Variants in MYOT observed in about 807,000 individuals in gnomAD.
MYOT encodes myotilin.
Under a neutral mutation model 58.0 loss-of-function variants are expected in MYOT, and 36 were observed. The ratio of observed to expected loss-of-function variants is 0.62; its 90% CI spans 0.48 to 0.82. The LOEUF (loss-of-function observed/expected upper bound fraction) is 0.82, where lower values mean the gene tolerates loss of function less well. Ranked by LOEUF, MYOT falls within the 40% of genes least tolerant of loss-of-function variation. The pLI, the probability that MYOT is intolerant of heterozygous loss-of-function variation, is 0.00. For synonymous variants in MYOT, 218 were observed against 204.6 expected, an observed-to-expected ratio of 1.07 and a Z score of -0.56; for missense variants, 505 against 592.1, an observed-to-expected ratio of 0.85 and a Z score of 1.53.
rs781052225 is a variant in MYOT, at chr5:137,887,369, A to C, written c.1481A>C (p.Glu494Ala). 6 of 1,614,002 alleles carry C rather than the reference A, an allele frequency of 3.7e-6. No individual in the cohort carries two copies. The East Asian group carries it at 1.3e-4, about 36-fold the overall frequency. ...TTGGCAGCTCAATCTGGACTCTATGAAAGTGAAGAACTTTAATAACTTTAC... is the reference window on the plus strand; with the variant it reads ...TTGGCAGCTCAATCTGGACTCTATGCAAGTGAAGAACTTTAATAACTTTAC... ...QRLAAQSGLY[E>A]SEEL Residue 494 changes from glutamate to alanine, a missense_variant, in exon 10 of 10, where the codon GAA becomes GCA. Coordinates refer to ENST00000239926, the MANE Select transcript of MYOT (RefSeq NM_006790.3).
chr5:137,880,350 G>A (rs1374332056), intron 4 of MYOT, among the ~76,000 whole-genome samples: 2 of 152,318 alleles, frequency 1.3e-5, no homozygotes, highest in East Asian at 3.9e-4. Context: ...GAGCTAAAAA[G>A]AGAAGAATTT....
At chr5:137,884,426 T>G (rs1184354516) in intron 7 of MYOT, among the ~76,000 whole-genome samples, 1 of 152,216 alleles carries the variant, frequency 6.6e-6, no homozygotes, top group East Asian at 1.9e-4. Flanking sequence ...ACTAGGAAAC[T>G]AATGTCTAAT....
intron 4 of MYOT, 122 bp from the exon 5 acceptor site, chr5:137,880,694 C>T (rs563006816): frequency 6.3e-6 from 5 of 790,380 alleles, no homozygotes; most frequent in South Asian, 1.5e-5. Flanking sequence ...ATATATAGAA[C>T]TTACCAGGGC....
chr5:137,875,198 C>T (rs565762654), intron 2 of MYOT, among the ~76,000 whole-genome samples: 1 of 152,244 alleles, frequency 6.6e-6, no homozygotes, highest in African/African-American at 2.4e-5. Context: ...TGCAGCAACA[C>T]GGATGCAGCT....
intron 2 of MYOT, among the ~76,000 whole-genome samples, chr5:137,875,496 A>AT (rs1365317636): frequency 6.6e-6 from 1 of 152,140 alleles, no homozygotes. Context: ...CTAAAAAAAA[A>AT]TTTTATTAAA....
chr5:137,887,191 A>T (rs758457651), intron 9 of MYOT, 22 bp from the exon 10 acceptor site: 21 of 1,613,930 alleles, frequency 1.3e-5, no homozygotes, highest in Non-Finnish European at 1.8e-5. Flanking sequence ...TTCTGAATCA[A>T]CTTTTATGTG....
rs1389980018 is a variant in MYOT, at chr5:137,887,577, T to C, written c.*192T>C. ...ATGTACCCCTCCGATTTGTGAAGCC[T>C]ACAGGAAATCTGGGTATATGGATTT... is the stretch of plus-strand genomic sequence containing the variant. On this transcript the variant is annotated 3_prime_UTR_variant, in exon 10 of 10. Coordinates refer to ENST00000239926, the MANE Select transcript of MYOT (RefSeq NM_006790.3). 10 of 307,594 alleles carry C rather than the reference T, an allele frequency of 3.3e-5. No individual in the cohort carries two copies. The highest frequency in any genetic ancestry group is 5.0e-5 in the Non-Finnish European group (9 of 180,030). 19.1% of individuals were successfully genotyped at this position (307,594 alleles called of 1,614,324 possible). A position where few individuals can be genotyped will look rare whatever the true frequency, so the allele number is the denominator to read the frequency against.
intron 3 of MYOT, among the ~76,000 whole-genome samples, chr5:137,877,066 TA>T (rs34554181): frequency 0.011 from 1,600 of 143,194 alleles, 11 homozygotes; most frequent in African/African-American, 0.022. Flanking sequence ...GAAAAGACTT[TA>T]AAAAAAAAAA....
rs777180103 is a variant in MYOT at position 137,887,335 on chromosome 5, T to C, written c.1447T>C (p.Phe483Leu). The change falls in exon 10 of 10, where the codon TTT becomes CTT. Residue 483 changes from phenylalanine (F) to leucine (L), a missense_variant. Physicochemically the swap from Phe to Leu is conservative, Grantham distance 22. Coordinates refer to ENST00000239926, the MANE Select transcript of MYOT (RefSeq NM_006790.3). ...VKQAFNPEGE[F>L]QRLAAQSGLY... ...ACAAGCTTTTAACCCAGAAGGAGAA[T>C]TTCAGCGTTTGGCAGCTCAATCTGG... The C allele has an allele frequency of 2.5e-6, 4 of 1,614,038 alleles. No homozygotes were observed. In the East Asian group the frequency reaches 8.9e-5, roughly 36 times the overall value.
At position 137,877,553 on chromosome 5, in the gene MYOT, T is replaced by C; in HGVS notation, c.565T>C (p.Leu189=). 3 of 1,613,884 alleles carry C rather than the reference T, an allele frequency of 1.9e-6. No individual in the cohort carries two copies. Among genetic ancestry groups the C allele is most frequent in the South Asian group, 1.1e-5 (1 of 91,082 alleles). Residue 189 remains leucine, a synonymous_variant, in exon 4 of 10, where the codon TTG becomes CTG. Coordinates refer to ENST00000239926, the MANE Select transcript of MYOT (RefSeq NM_006790.3). ...ATATGAAGAGAAGATGGCTCGCAGA[T>C]TGCTAGGACCACAGAATGCAGCTGC... The part of the protein sequence containing the change: ...LTYEEKMARR[L]LGPQNAAAVF...
At position 137,880,859 on chromosome 5, in the gene MYOT, A is replaced by T. The variant is rs768353951; in HGVS notation, c.677A>T (p.Gln226Leu). The stretch of plus-strand genomic sequence containing the variant: ...GCGCGACTGCAAGTTCCTACATCAC[A>T]AGTAAGGTAAAAAATTTTAATTTTA... Reference protein sequence around the residue: ...EHARLQVPTSQVRSRSTSRGD... With the variant: ...EHARLQVPTSLVRSRSTSRGD... Residue 226 changes from glutamine to leucine, a missense_variant, in exon 5 of 10, where the codon CAA (glutamine) becomes CTA (leucine). Physicochemically the swap from Gln to Leu is moderately radical, Grantham distance 113. Transcript: ENST00000239926. 34 of 1,606,104 alleles carry T rather than the reference A, an allele frequency of 2.1e-5. No homozygotes were observed. The highest frequency in any genetic ancestry group is 2.7e-5 in the Non-Finnish European group (32 of 1,173,586).
At chr5:137,886,755 C>T in intron 8 of MYOT, 109 bp from the exon 9 acceptor site, 2 of 860,292 alleles carry the variant, frequency 2.3e-6, no homozygotes, top group Non-Finnish European at 3.8e-6. Flanking sequence ...ATAGATACAG[C>T]TTTGGAATTT....
At chr5:137,879,688 CT>C (rs1187720466) in intron 4 of MYOT, among the ~76,000 whole-genome samples, 13,920 of 94,442 alleles carry the variant, frequency 0.15, 626 homozygotes, top group African/African-American at 0.24. Context: ...CCACACCCGG[CT>C]TTTTTTTTTT....
intron 2 of MYOT, among the ~76,000 whole-genome samples, chr5:137,874,411 G>A (rs1755145489): frequency 1.3e-5 from 2 of 152,130 alleles, no homozygotes; most frequent in South Asian, 2.1e-4. Flanking sequence ...AGGTTGCAGT[G>A]AGCCGAGATC....
intron 4 of MYOT, 86 bp from the exon 5 acceptor site, chr5:137,880,730 T>C (rs1201968110): frequency 1.8e-6 from 2 of 1,124,450 alleles, no homozygotes; most frequent in African/African-American, 3.1e-5. Context: ...AAAATAGGAA[T>C]GTTCCTTTCA....
At chr5:137,878,353 G>A (rs137957635) in intron 4 of MYOT, among the ~76,000 whole-genome samples, 103 of 152,052 alleles carry the variant, frequency 6.8e-4, no homozygotes, top group African/African-American at 1.8e-3. Flanking sequence ...AAGTAGCTGG[G>A]ATTACAGGCG....
At position 137,870,747 on chromosome 5, in the gene MYOT, T is replaced by C. The variant is rs545828785; in HGVS notation, c.96T>C (p.Ser32=). The C allele has an allele frequency of 5.6e-6, 9 of 1,614,242 alleles. No homozygotes were observed. The highest frequency in any genetic ancestry group is 1.3e-5 in the African/African-American group (1 of 75,064). The change falls in exon 2 of 10, where the codon TCT becomes TCC. Residue 32 remains serine, a synonymous_variant. Transcript: ENST00000239926. ...QPPGPETSSF[S]SQTKQSSIII... Reference sequence around the variant, plus strand: ...CTGGACCAGAAACCTCCAGCTTCTCTAGCCAGACCAAACAGTCTTCCATTA... The same window carrying C: ...CTGGACCAGAAACCTCCAGCTTCTCCAGCCAGACCAAACAGTCTTCCATTA...
rs753927065 is a variant in MYOT at position 137,883,518 on chromosome 5, T to C, written c.951T>C (p.Asp317=). The C allele has an allele frequency of 3.3e-5, 53 of 1,614,074 alleles. No individual in the cohort carries two copies. Among genetic ancestry groups the C allele is most frequent in the Non-Finnish European group, 4.4e-5 (52 of 1,180,040 alleles). Residue 317 remains aspartate, a synonymous_variant, in exon 7 of 10, where the codon GAT becomes GAC. Coordinates refer to ENST00000239926, the MANE Select transcript of MYOT (RefSeq NM_006790.3). ...SLIFEVVRAS[D]AGAYACVAKN... ...TCTTTGAAGTAGTCAGAGCTTCAGA[T>C]GCAGGGGCTTATGCATGTGTTGCCA...
intron 1 of MYOT, among the ~76,000 whole-genome samples, chr5:137,868,452 A>G (rs1034802469): frequency 1.3e-5 from 2 of 152,208 alleles, no homozygotes; most frequent in African/African-American, 4.8e-5. Context: ...CTACAAACAT[A>G]AAGAAAATAC....
Sources: gnomAD v4.1 joint callset for allele counts (sites outside exome capture counted in the v4.1 genomes callset) on GRCh38, gnomAD v4.1.1 for gene constraint, MANE v1.5 for transcripts, NCBI Gene and HGNC (gene_info 2026-07-23, HGNC 2026-07-21) for gene names.